HELLS: variants seen among roughly 807,000 people sequenced by gnomAD.
HELLS encodes the protein lymphoid-specific helicase.
In HELLS, 32 loss-of-function variants were observed where a neutral mutation model predicts 120.0. The ratio of observed to expected loss-of-function variants is 0.27; its 90% confidence interval spans 0.20 to 0.36. HELLS has a LOEUF of 0.36. Among genes scored for constraint, HELLS ranks in the 10% least tolerant of loss-of-function variants. The pLI is 1.00. For synonymous variants in HELLS, 341 were observed against 323.4 expected (o/e 1.05, Z -0.58); for missense variants, 650 against 993.4 (o/e 0.65, Z 4.65).
At position 94,596,806 on chromosome 10, in the gene HELLS, T is replaced by C. The variant is rs1845761595; in HGVS notation, c.2249-54T>C. ...CCATTGTGATTGGTTTGTAATATGT[T>C]GTATTGTAGTTTTAAAAGGAATTTT... On this transcript the variant is annotated intron_variant, in intron 19 of 21. Transcript: ENST00000348459. 3.3e-6 allele frequency: 3 copies of C among 899,624 alleles called. No individual in the cohort carries two copies. In the East Asian group the frequency reaches 7.2e-5, roughly 22 times the overall value. 55.7% of individuals were successfully genotyped at this position (899,624 alleles called of 1,614,324 possible). A position where few individuals can be genotyped will look rare whatever the true frequency, so the allele number is the denominator to read the frequency against.
chr10:94,546,604 A>C (rs1026445268), intron 2 of HELLS, 106 bp downstream of exon 2: 1 of 1,250,474 alleles, frequency 8.0e-7, no homozygotes, highest in Non-Finnish European at 1.1e-6. Flanking sequence ...GGGCTTTTTA[A>C]TAACTGAAAG....
intron 12 of HELLS, among the ~76,000 whole-genome samples, chr10:94,587,797 T>G (rs1845246843): frequency 6.6e-6 from 1 of 152,224 alleles, no homozygotes; most frequent in Non-Finnish European, 1.5e-5. Flanking sequence ...CACCCTGTTG[T>G]GCTACCAAAT....
chr10:94,570,765 T>A (rs934827428), intron 6 of HELLS: 1 of 152,172 alleles, frequency 6.6e-6, no homozygotes, highest in African/African-American at 2.4e-5. Context: ...TTTAATTTTT[T>A]CTGTCTTTGC....
At chr10:94,598,822 T>A (rs752208160) in intron 21 of HELLS, among the ~76,000 whole-genome samples, 1 of 152,142 alleles carries the variant, frequency 6.6e-6, no homozygotes, top group African/African-American at 2.4e-5. Flanking sequence ...TTTCTTTTAA[T>A]AGTTTTATAG....
chr10:94,595,239 T>A (rs529740327), intron 19 of HELLS, among the ~76,000 whole-genome samples: 1 of 148,776 alleles, frequency 6.7e-6, no homozygotes, highest in Non-Finnish European at 1.5e-5. Context: ...AAAAAAAAAA[T>A]ATTAACAGCC....
At chr10:94,611,856 G>A (rs1414431457) in exon 10 of HELLS, 2 of 152,162 alleles carry the variant, frequency 1.3e-5, no homozygotes, top group African/African-American at 4.8e-5. Flanking sequence ...CTGGATTTTA[G>A]TTGCTGCTCT....
At chr10:94,562,663 A>G (rs1007122018) in intron 4 of HELLS, 28 bp from the exon 5 acceptor site, 2 of 1,513,272 alleles carry the variant, frequency 1.3e-6, no homozygotes, top group Non-Finnish European at 1.8e-6. Context: ...CCTTAATAAA[A>G]TCAATATTCT....
At chr10:94,604,484 C>T (rs1846105520), downstream of HELLS, among the ~76,000 whole-genome samples, 1 of 101,530 alleles carries the variant, frequency 9.8e-6, no homozygotes, top group East Asian at 3.5e-4. Flanking sequence ...TAGTCTGTTT[C>T]ATTTGATTTT....
intron 10 of HELLS, among the ~76,000 whole-genome samples, chr10:94,580,265 A>G (rs1022918094): frequency 2.7e-5 from 4 of 146,860 alleles, no homozygotes; most frequent in Admixed American, 6.9e-5. Context: ...GCTTACTGCA[A>G]CCTGTCTCCC....
intron 13 of HELLS, among the ~76,000 whole-genome samples, chr10:94,588,950 C>G (rs536764219): frequency 6.6e-6 from 1 of 152,218 alleles, no homozygotes; most frequent in South Asian, 2.1e-4. Flanking sequence ...AATTTGAGAC[C>G]AGTCTGACCA....
chr10:94,550,600 T>G (rs934472995), intron 2 of HELLS, among the ~76,000 whole-genome samples: 1 of 151,938 alleles, frequency 6.6e-6, no homozygotes, highest in East Asian at 2.0e-4. Flanking sequence ...GTTTTAAAAA[T>G]ATGTGCTGGC....
chr10:94,565,428 C>T (rs575847206), intron 6 of HELLS, among the ~76,000 whole-genome samples: 2 of 152,276 alleles, frequency 1.3e-5, no homozygotes, highest in Admixed American at 1.3e-4. Flanking sequence ...GTGGCTCATA[C>T]CTGTAAACCC....
rs145122551 is a variant in HELLS, at chr10:94,596,461, A to C, written c.2249-399A>C. On this transcript the variant is annotated intron_variant, in intron 19 of 21. Transcript: ENST00000348459. ...TTTGTTGAATATATTTTTTCAACACAGAGTCATCTGTGTTGTTTTTAGTAG... is the reference window on the plus strand; with the variant it reads ...TTTGTTGAATATATTTTTTCAACACCGAGTCATCTGTGTTGTTTTTAGTAG... Among the ~76,000 whole-genome samples the C allele has an allele frequency of 2.6e-5, 4 of 152,262 alleles. No homozygotes were observed. The East Asian group carries it at 5.8e-4, about 22-fold the overall frequency.
At chr10:94,574,525 T>G (rs1263605800) in intron 8 of HELLS, 29 bp from the exon 9 acceptor site, 1 of 1,533,688 alleles carries the variant, frequency 6.5e-7, no homozygotes, top group African/African-American at 1.4e-5. Flanking sequence ...ATATCCAAGT[T>G]TAAATACAGT....
At chr10:94,579,249 G>A (rs1479038477) in intron 10 of HELLS, among the ~76,000 whole-genome samples, 1 of 139,338 alleles carries the variant, frequency 7.2e-6, no homozygotes, top group Non-Finnish European at 1.5e-5. Flanking sequence ...TGCCCAGGCT[G>A]GAGTTCAGTG....
intron 10 of HELLS, among the ~76,000 whole-genome samples, chr10:94,579,395 G>A (rs1844701614): frequency 6.6e-6 from 1 of 151,532 alleles, no homozygotes; most frequent in African/African-American, 2.4e-5. Flanking sequence ...TAGAGATGGG[G>A]TTTCTCTGTG....
In HELLS at chr10:94,565,780, C is replaced by T. The variant is rs34927298; in HGVS notation, c.435+2904C>T. ...AATTTGTTAAATGGTTGTGGAATATCGGTTTTGGGCAAACTTTGTCATAGG... is the reference window on the plus strand; with the variant it reads ...AATTTGTTAAATGGTTGTGGAATATTGGTTTTGGGCAAACTTTGTCATAGG... On this transcript the variant is annotated intron_variant, in intron 6 of 21. Coordinates refer to ENST00000348459, the MANE Select transcript of HELLS (RefSeq NM_018063.5). 8.2e-3 allele frequency among the ~76,000 whole-genome samples: 1,251 copies of T among 152,242 alleles called. 5 individuals are homozygous for T. The highest frequency in any genetic ancestry group is 0.016 in the South Asian group (76 of 4,826).
rs143960475 is a variant in HELLS, at chr10:94,592,508, A to G, written c.1965A>G (p.Glu655=). 7.3e-4 allele frequency: 1,065 copies of G among 1,458,920 alleles called. 20 individuals are homozygous for G. The Admixed American group carries it at 0.023, about 31-fold the overall frequency. The allele number at this position is 1,458,920 out of a possible 1,614,324, so 90.4% of individuals were successfully genotyped here. A position where few individuals can be genotyped will look rare whatever the true frequency, so the allele number is the denominator to read the frequency against. Residue 655 remains glutamate, a synonymous_variant, in exon 17 of 22, where the codon GAA becomes GAG. Transcript: ENST00000348459. ...LDGSMSYSER[E]KNMHSFNTDP... is the part of the protein sequence containing the mutation. ...GGTCCATGTCTTACTCAGAGAGAGA[A>G]AAAAACGTAAGACTACTTATGTCAT...
chr10:94,584,967 A>G (rs766335901), intron 12 of HELLS, among the ~76,000 whole-genome samples: 1 of 152,154 alleles, frequency 6.6e-6, no homozygotes, highest in Non-Finnish European at 1.5e-5. Context: ...ACTACAGGAA[A>G]AAGTTTTCAT....
Sources: allele counts gnomAD v4.1 joint callset (sites outside exome capture counted in the v4.1 genomes callset), GRCh38; gene constraint gnomAD v4.1.1; transcripts MANE v1.5; gene names NCBI Gene and HGNC (gene_info 2026-07-23, HGNC 2026-07-21).